Variants in KTN1 observed in about 807,000 individuals in gnomAD.
KTN1 encodes the protein kinectin 1.
In KTN1, 130 loss-of-function variants were observed where a neutral mutation model predicts 222.5. That is an observed-to-expected ratio of 0.58 (90% confidence interval 0.51 to 0.68). KTN1 has a LOEUF of 0.68. Among genes scored for constraint, KTN1 ranks in the 30% least tolerant of loss-of-function variants. The pLI is 0.00. For synonymous variants in KTN1, 512 were observed against 496.3 expected (o/e 1.03, Z -0.42); for missense variants, 1,508 against 1,500.4 (o/e 1.01, Z -0.08).
intron 32 of KTN1, chr14:55,661,864 T>G (rs2141229531): frequency 3.8e-6 from 1 of 261,682 alleles, no homozygotes; most frequent in South Asian, 1.7e-4. Flanking sequence ...ATACCTTTAG[T>G]TATTTTAAAA....
chr14:55,612,528 C>T lies in KTN1; in HGVS notation c.480C>T (p.Ala160=). 1.9e-6 allele frequency: 3 copies of T among 1,602,704 alleles called. No individual in the cohort carries two copies. Among genetic ancestry groups the T allele is most frequent in the Non-Finnish European group, 2.5e-6 (3 of 1,177,184 alleles). ...CCACCCCTCCCTCTGAAGCAGCTGCCTCGAAGAAGAAACCAGGGCAGAAGA... is the reference window on the plus strand; with the variant it reads ...CCACCCCTCCCTCTGAAGCAGCTGCTTCGAAGAAGAAACCAGGGCAGAAGA... The part of the protein sequence containing the change: ...KQPTPPSEAA[A]SKKKPGQKKS... The change falls in exon 2 of 44, where the codon GCC becomes GCT. Residue 160 remains alanine (A), a synonymous_variant. Transcript: ENST00000395314.
chr14:55,626,260 A>G (rs971014812), intron 5 of KTN1, among the ~76,000 whole-genome samples: 2 of 150,000 alleles, frequency 1.3e-5, no homozygotes, highest in African/African-American at 4.9e-5. Context: ...TCTACTTTTT[A>G]TTTATTTCTC....
intron 31 of KTN1, 114 bp from the exon 32 acceptor site, chr14:55,661,408 A>G: frequency 1.7e-6 from 1 of 598,104 alleles, no homozygotes; most frequent in East Asian, 2.7e-5. Flanking sequence ...GTACTTTTCA[A>G]GGTGCTATCT....
intron 22 of KTN1, among the ~76,000 whole-genome samples, chr14:55,650,019 T>A (rs1227737905): frequency 6.6e-6 from 1 of 151,618 alleles, no homozygotes; most frequent in Non-Finnish European, 1.5e-5. Context: ...AAAAAAAAAC[T>A]ATTTCCAGAG....
chr14:55,639,241 A>G lies in KTN1; in HGVS notation c.1823+19A>G. The G allele has an allele frequency of 1.3e-6, 2 of 1,579,730 alleles. No individual in the cohort carries two copies. The highest frequency in any genetic ancestry group is 2.2e-5 in the South Asian group (2 of 90,070). On this transcript the variant is annotated intron_variant, in intron 13 of 43. Transcript: ENST00000395314. Reference sequence around the variant, plus strand: ...ATAAAGTGTAAGCCTACCTTTTCACACTCTTATAATTGTGTAGTCACCACT... The same window carrying G: ...ATAAAGTGTAAGCCTACCTTTTCACGCTCTTATAATTGTGTAGTCACCACT...
At chr14:55,585,131 CAAAAAAAAAAAAA>C (rs752597184) in intron 1 of KTN1, among the ~76,000 whole-genome samples, 2 of 54,538 alleles carry the variant, frequency 3.7e-5, no homozygotes, top group Non-Finnish European at 3.7e-5. Context: ...GACTGTGTCT[CAAAAAAAAAAAAA>C]AAAAAAAAAA....
intron 18 of KTN1, among the ~76,000 whole-genome samples, chr14:55,645,524 A>T (rs945991546): frequency 6.6e-6 from 1 of 152,232 alleles, no homozygotes; most frequent in African/African-American, 2.4e-5. Flanking sequence ...ACTTAGACTT[A>T]ATAGTGTTAT....
chr14:55,653,581 A>C lies in KTN1; in HGVS notation c.2786A>C (p.Glu929Ala), dbSNP rs1231249249. 6.2e-7 allele frequency: 1 copy of C among 1,610,402 alleles called. No homozygotes were observed. Among genetic ancestry groups the C allele is most frequent in the South Asian group, 1.1e-5 (1 of 90,788 alleles). The change falls in exon 28 of 44, where the codon GAA (glutamate) becomes GCA (alanine). Residue 929 changes from glutamate to alanine, a missense_variant. Transcript: ENST00000395314. ...CAGGCCTCTTCTGCATCACAGTTTG[A>C]AGAACTTGAGATTGTGTAAGTATGC... ...LKEASSASQFEELEIVLKEKE... is the reference protein window; with the variant it reads ...LKEASSASQFAELEIVLKEKE...
intron 41 of KTN1, 74 bp from the exon 42 acceptor site, chr14:55,678,278 T>C: frequency 1.1e-6 from 1 of 923,656 alleles, no homozygotes. Flanking sequence ...TTCTACAAAA[T>C]GAATAAAATT....
At chr14:55,593,034 A>G (rs955807185) in intron 1 of KTN1, among the ~76,000 whole-genome samples, 5 of 151,888 alleles carry the variant, frequency 3.3e-5, no homozygotes, top group Admixed American at 1.3e-4. Context: ...CTGTCTAGCA[A>G]TTTACCATTT....
intron 43 of KTN1, chr14:55,680,512 C>T (rs2046268965): frequency 4.7e-6 from 2 of 428,246 alleles, no homozygotes; most frequent in Admixed American, 5.8e-5. Flanking sequence ...TTCTCTAAAA[C>T]AATCATGATA....
chr14:55,624,655 A>G (rs1431986327), intron 5 of KTN1, among the ~76,000 whole-genome samples: 1 of 152,192 alleles, frequency 6.6e-6, no homozygotes, highest in Non-Finnish European at 1.5e-5. Context: ...GTGAGAGGTG[A>G]TAGAAGGCTC....
chr14:55,638,639 G>T (rs985374348), intron 12 of KTN1, among the ~76,000 whole-genome samples: 2 of 151,812 alleles, frequency 1.3e-5, no homozygotes, highest in African/African-American at 4.8e-5. Context: ...ATTAATGCAG[G>T]AAAGGGTGCT....
chr14:55,638,533 C>T (rs544739829), intron 12 of KTN1, among the ~76,000 whole-genome samples: 4 of 151,752 alleles, frequency 2.6e-5, no homozygotes, highest in East Asian at 3.9e-4. Context: ...TTTTAAGGTT[C>T]GGAGAAGTTC....
chr14:55,616,566 A>G lies in KTN1; in HGVS notation c.573A>G (p.Gln191=), dbSNP rs752598545. ...CTCTCATGGTACCATCAAAAAGGCAAGAAGCATTGCCCCTCCACCAAGAGA... is the reference window on the plus strand; with the variant it reads ...CTCTCATGGTACCATCAAAAAGGCAGGAAGCATTGCCCCTCCACCAAGAGA... ...VETLMVPSKR[Q]EALPLHQETK... The change falls in exon 3 of 44, where the codon CAA becomes CAG. Residue 191 remains glutamine (Q), a synonymous_variant. Coordinates refer to ENST00000395314, the MANE Select transcript of KTN1 (RefSeq NM_001079521.2). 2.2e-5 allele frequency: 35 copies of G among 1,606,902 alleles called. No individual in the cohort carries two copies. Among genetic ancestry groups the G allele is most frequent in the Non-Finnish European group, 2.8e-5 (33 of 1,178,028 alleles).
intron 43 of KTN1, chr14:55,680,756 A>G (rs926508915): frequency 2.4e-5 from 32 of 1,319,066 alleles, no homozygotes; most frequent in Non-Finnish European, 3.2e-5. Context: ...GTTATCTCTA[A>G]CATGACTTTC....
rs982781329 is a variant in KTN1, at chr14:55,658,485, G to C, written c.2893-61G>C. ...TGTATGATCTGTTTCTAGCTTGTAT[G>C]ATCTAAGTTTATGTGGAAAAAATCT... On this transcript the variant is annotated intron_variant, in intron 29 of 43. Transcript: ENST00000395314. The C allele has an allele frequency of 8.3e-6, 8 of 960,334 alleles. No individual in the cohort carries two copies. In the Admixed American group the frequency reaches 1.1e-4, roughly 13 times the overall value. The allele number at this position is 960,334 out of a possible 1,614,324, so 59.5% of individuals were successfully genotyped here.
chr14:55,648,673 A>G lies in KTN1; in HGVS notation c.2299-129A>G, dbSNP rs2042632356. 35 of 683,384 alleles carry G rather than the reference A, an allele frequency of 5.1e-5. No homozygotes were observed. In the South Asian group the frequency reaches 5.7e-4, roughly 11 times the overall value. 42.3% of individuals were successfully genotyped at this position (683,384 alleles called of 1,614,324 possible). On this transcript the variant is annotated intron_variant, in intron 20 of 43. Coordinates refer to ENST00000395314, the MANE Select transcript of KTN1 (RefSeq NM_001079521.2). ...CATTACAGAATTATAGACATGGAAA[A>G]AAGTGAGAGTTTTGGGCCTTCCAGA...
intron 29 of KTN1, 45 bp from the exon 30 acceptor site, chr14:55,658,501 G>GA (rs771519818): frequency 5.3e-6 from 6 of 1,139,620 alleles, no homozygotes; most frequent in East Asian, 2.4e-5. Context: ...AGTTTATGTG[G>GA]AAAAAATCTG....
Sources: gnomAD v4.1 joint callset for allele counts (sites outside exome capture counted in the v4.1 genomes callset) on GRCh38, gnomAD v4.1.1 for gene constraint, MANE v1.5 for transcripts, NCBI Gene and HGNC (gene_info 2026-07-23, HGNC 2026-07-21) for gene names.